Variants in CTNNA3 observed in about 807,000 individuals in gnomAD.
CTNNA3 encodes catenin alpha-3.
In CTNNA3, 76 loss-of-function variants were observed where a neutral mutation model predicts 95.7. The observed-to-expected ratio is 0.79, with a 90% CI of 0.66 to 0.96. The LOEUF is 0.96. CTNNA3 is among the 40% of genes least tolerant of loss of function. The pLI is 0.00. For synonymous variants in CTNNA3, 431 were observed against 374.4 expected, an observed-to-expected ratio of 1.15 and a Z score of -1.74; for missense variants, 1,191 against 1,089.8, an observed-to-expected ratio of 1.09 and a Z score of -1.31.
At chr10:66,190,539 C>T (rs2086613008) in intron 13 of CTNNA3, among the ~76,000 whole-genome samples, 1 of 152,050 alleles carries the variant, frequency 6.6e-6, no homozygotes, top group African/African-American at 2.4e-5. Context: ...CCTCACAAAC[C>T]ACTACTCAGT....
intron 7 of CTNNA3, chr10:66,837,361 T>C (rs946810318): frequency 6.6e-6 from 1 of 152,132 alleles, no homozygotes; most frequent in Non-Finnish European, 1.5e-5. Flanking sequence ...GGGACAAAGA[T>C]AACATGTCCA....
chr10:66,819,662 C>T (rs1190110814), intron 7 of CTNNA3, among the ~76,000 whole-genome samples: 1 of 151,908 alleles, frequency 6.6e-6, no homozygotes, highest in South Asian at 2.1e-4. Flanking sequence ...AAAAGAATAA[C>T]CCAATTAAAA....
chr10:67,163,077 T>C (rs946394240), intron 7 of CTNNA3, among the ~76,000 whole-genome samples: 10 of 151,990 alleles, frequency 6.6e-5, no homozygotes, highest in Admixed American at 6.6e-4. Flanking sequence ...GTAACACCTG[T>C]TCTACCCAAC....
intron 12 of CTNNA3, among the ~76,000 whole-genome samples, chr10:66,295,010 G>A (rs763279589): frequency 2.0e-5 from 3 of 152,148 alleles, no homozygotes; most frequent in Non-Finnish European, 4.4e-5. Flanking sequence ...TAGTTTGAAA[G>A]AGGAACTTGG....
chr10:67,465,048 A>G (rs1847534507), intron 5 of CTNNA3, among the ~76,000 whole-genome samples: 1 of 151,964 alleles, frequency 6.6e-6, no homozygotes, highest in Admixed American at 6.6e-5. Flanking sequence ...ATTGAGAATT[A>G]GCGTTGCTTC....
intron 9 of CTNNA3, among the ~76,000 whole-genome samples, chr10:66,714,574 T>C (rs1848395079): frequency 6.6e-6 from 1 of 152,174 alleles, no homozygotes; most frequent in Admixed American, 6.6e-5. Flanking sequence ...GATTCATCTT[T>C]CTAAACCATT....
intron 5 of CTNNA3, among the ~76,000 whole-genome samples, chr10:67,240,714 A>C (rs1865685941): frequency 6.6e-6 from 1 of 152,188 alleles, no homozygotes; most frequent in Non-Finnish European, 1.5e-5. Context: ...TGGGCCATTA[A>C]TGCATACCTT....
chr10:66,986,285 G>A (rs1850724148), intron 7 of CTNNA3, among the ~76,000 whole-genome samples: 2 of 152,026 alleles, frequency 1.3e-5, no homozygotes, highest in African/African-American at 4.8e-5. Flanking sequence ...TTCACTTGAG[G>A]CCACGAGTTC....
At chr10:67,520,584 T>C (rs1027205439) in intron 5 of CTNNA3, among the ~76,000 whole-genome samples, 2 of 152,202 alleles carry the variant, frequency 1.3e-5, no homozygotes, top group African/African-American at 4.8e-5. Flanking sequence ...TGCTAATACC[T>C]AGATCATCAT....
chr10:66,103,261 A>T lies in CTNNA3; in HGVS notation c.1885-12T>A, dbSNP rs751331283. On this transcript the variant is annotated splice_polypyrimidine_tract_variant and intron_variant, in intron 13 of 17. Coordinates refer to ENST00000433211, the MANE Select transcript of CTNNA3 (RefSeq NM_013266.4). ...AGTTCCTCTGGGGTCTATAAAAAGAAAGCAAAACATTGCTAGTGGGAATGT... is the reference window on the plus strand; with the variant it reads ...AGTTCCTCTGGGGTCTATAAAAAGATAGCAAAACATTGCTAGTGGGAATGT... 6.2e-7 allele frequency: 1 copy of T among 1,602,974 alleles called. No homozygotes were observed. The highest frequency in any genetic ancestry group is 1.7e-5 in the Admixed American group (1 of 59,988).
intron 2 of CTNNA3, among the ~76,000 whole-genome samples, chr10:67,614,945 C>T (rs925462044): frequency 6.6e-6 from 1 of 152,176 alleles, no homozygotes; most frequent in Non-Finnish European, 1.5e-5. Flanking sequence ...ATCCTAATCT[C>T]TTCTGATAAG....
At chr10:66,114,490 A>G (rs1339067625) in intron 13 of CTNNA3, among the ~76,000 whole-genome samples, 1 of 147,798 alleles carries the variant, frequency 6.8e-6, no homozygotes, top group Non-Finnish European at 1.5e-5. Flanking sequence ...ATATATGTGT[A>G]TATATGTGTG....
chr10:66,587,972 C>A (rs1843418020), intron 10 of CTNNA3, among the ~76,000 whole-genome samples: 1 of 152,158 alleles, frequency 6.6e-6, no homozygotes, highest in African/African-American at 2.4e-5. Flanking sequence ...AGGTTATAAT[C>A]TCATATCTCA....
chr10:67,726,470 A>T (rs1353954517), intron 1 of CTNNA3, among the ~76,000 whole-genome samples: 1 of 55,744 alleles, frequency 1.8e-5, no homozygotes, highest in Admixed American at 3.5e-4. Flanking sequence ...TATATGATAT[A>T]ATATTATATA....
In CTNNA3 at chr10:66,831,344, G is replaced by A. The variant is rs1403219992; in HGVS notation, c.1048-55820C>T. Among the ~76,000 whole-genome samples, 6 of 152,086 alleles carry A rather than the reference G, an allele frequency of 3.9e-5. No homozygotes were observed. The East Asian group carries it at 5.8e-4, about 15-fold the overall frequency. On this transcript the variant is annotated intron_variant, in intron 7 of 17. Coordinates refer to ENST00000433211, the MANE Select transcript of CTNNA3 (RefSeq NM_013266.4). ...TTCCCTTGTGTGCCAGGCTTCACTC[G>A]TTCTGACTTTTCAAATTTCTTAATT...
intron 7 of CTNNA3, chr10:67,099,441 A>T (rs1011378658): frequency 6.6e-6 from 1 of 151,796 alleles, no homozygotes; most frequent in Non-Finnish European, 1.5e-5. Context: ...TCAATCTAAC[A>T]GGGGCCAATC....
In CTNNA3 at chr10:66,457,254, G is replaced by A. The variant is rs747862758; in HGVS notation, c.1531+63363C>T. ...TTTTGCTTTACAAAAGACACTATTA[G>A]GAAAATGAAAAGCTAAACTTCAAAA... On this transcript the variant is annotated intron_variant, in intron 11 of 17. Transcript: ENST00000433211. 4.6e-5 allele frequency among the ~76,000 whole-genome samples: 7 copies of A among 152,120 alleles called. No homozygotes were observed. In the South Asian group the frequency reaches 1.5e-3, roughly 32 times the overall value.
intron 11 of CTNNA3, among the ~76,000 whole-genome samples, chr10:66,392,925 G>A (rs142486577): frequency 1.3e-5 from 2 of 152,022 alleles, no homozygotes; most frequent in African/African-American, 2.4e-5. Flanking sequence ...TAAAACTTAC[G>A]TTCACACAAA....
intron 6 of CTNNA3, among the ~76,000 whole-genome samples, chr10:67,183,555 G>T (rs1589834216): frequency 6.6e-6 from 1 of 151,956 alleles, no homozygotes; most frequent in South Asian, 2.1e-4. Flanking sequence ...GGGAGGAGGG[G>T]GGAGGGATAG....
Sources: allele counts gnomAD v4.1 joint callset (sites outside exome capture counted in the v4.1 genomes callset), GRCh38; gene constraint gnomAD v4.1.1; transcripts MANE v1.5; gene names NCBI Gene and HGNC (gene_info 2026-07-23, HGNC 2026-07-21).